The following FDFT1 variants were observed in gnomAD, a reference collection of about 807,000 sequenced individuals.
The protein encoded by FDFT1 is squalene synthase.
In FDFT1, 68 loss-of-function variants were observed where a neutral mutation model predicts 46.8. The observed-to-expected ratio is 1.45, with a 90% CI of 1.19 to 1.78. The LOEUF is 1.78. Among genes scored for constraint, FDFT1 ranks in the 40% most tolerant of loss-of-function variants. The probability of loss-of-function intolerance (pLI) is 0.00; values close to 1 mark genes in which losing one functional copy is unlikely to be tolerated. For missense variants in FDFT1, 928 were observed against 524.4 expected (o/e 1.77, Z -7.52); for synonymous variants, 351 against 185.1 (o/e 1.90, Z -7.28).
chr8:11,803,103 C>G (rs1196515190), intron 1 of FDFT1, 172 bp downstream of exon 1: 2 of 1,435,134 alleles, frequency 1.4e-6, no homozygotes, highest in Non-Finnish European at 1.8e-6. Flanking sequence ...CCCGGGTGGA[C>G]GCGGCCGTCC....
chr8:11,817,189 T>C (rs751226420), intron 3 of FDFT1, among the ~76,000 whole-genome samples: 2 of 152,232 alleles, frequency 1.3e-5, no homozygotes, highest in African/African-American at 4.8e-5. Context: ...TTTGTGTATG[T>C]TGAACAGCCT....
At chr8:11,823,576 G>A (rs903191676) in intron 4 of FDFT1, among the ~76,000 whole-genome samples, 2 of 151,680 alleles carry the variant, frequency 1.3e-5, no homozygotes, top group African/African-American at 4.8e-5. Flanking sequence ...TTCAGTCAGA[G>A]ACGACTTTTT....
rs763411837 is a variant in FDFT1, at chr8:11,809,831, T to C, written c.362T>C (p.Val121Ala). 1 of 1,613,712 alleles carries C rather than the reference T, an allele frequency of 6.2e-7. No homozygotes were observed. The highest frequency in any genetic ancestry group is 8.5e-7 in the Non-Finnish European group (1 of 1,179,754). Residue 121 changes from valine to alanine, a missense_variant, in exon 3 of 8, where the codon GTG (valine) becomes GCG (alanine). Val to Ala is a moderately conservative substitution (Grantham distance 64, BLOSUM62 0). Coordinates refer to ENST00000220584, the MANE Select transcript of FDFT1 (RefSeq NM_004462.5). ...GAGAGCAAGGAGAAGGATCGCCAGG[T>C]GCTGGAGGACTTCCCAACGGTGAGT... ...FMESKEKDRQVLEDFPTISLE... is the reference protein window; with the variant it reads ...FMESKEKDRQALEDFPTISLE...
chr8:11,812,222 C>G (rs576350812), intron 3 of FDFT1, among the ~76,000 whole-genome samples: 2 of 152,218 alleles, frequency 1.3e-5, no homozygotes, highest in African/African-American at 4.8e-5. Context: ...GTACCACGTT[C>G]TGGACATCTG....
intron 1 of FDFT1, among the ~76,000 whole-genome samples, chr8:11,803,999 A>T (rs760736683): frequency 3.3e-5 from 5 of 152,378 alleles, no homozygotes; most frequent in South Asian, 2.1e-4. Context: ...GATATGGCAG[A>T]TGTCACTTTT....
chr8:11,819,173 G>A (rs6984049), intron 3 of FDFT1, among the ~76,000 whole-genome samples: 30,246 of 152,122 alleles, frequency 0.2, 3,720 homozygotes, highest in African/African-American at 0.35. Context: ...CTGAATATTG[G>A]CCCCCACTCT....
chr8:11,832,367 C>T lies in FDFT1; in HGVS notation c.1032+697C>T, dbSNP rs117732778. Among the ~76,000 whole-genome samples, 155 of 151,370 alleles carry T rather than the reference C, an allele frequency of 1.0e-3. 1 individual carries two copies. In the East Asian group the frequency reaches 0.017, roughly 17 times the overall value. On this transcript the variant is annotated intron_variant, in intron 7 of 7. Transcript: ENST00000220584. ...GCCAGGAATTCAAGACCAGCCCGGG[C>T]GACATAGCAAGACCCCATTTCTACA... is the stretch of plus-strand genomic sequence containing the variant.
At chr8:11,819,342 C>G (rs552807105) in intron 3 of FDFT1, among the ~76,000 whole-genome samples, 18 of 152,090 alleles carry the variant, frequency 1.2e-4, no homozygotes, top group Middle Eastern at 3.2e-3. Context: ...TTGCGCTTCT[C>G]GAGGAATATC....
intron 3 of FDFT1, among the ~76,000 whole-genome samples, chr8:11,818,688 G>C (rs1421787702): frequency 4.6e-5 from 7 of 151,426 alleles, no homozygotes; most frequent in Admixed American, 6.6e-5. Flanking sequence ...TGCATTCCCT[G>C]CTTTTTTTTT....
Position 11,832,425 on chromosome 8 carries a change from C to T in FDFT1, c.1032+755C>T, listed in dbSNP as rs889361266. On this transcript the variant is annotated intron_variant, in intron 7 of 7. Transcript: ENST00000220584. ...TAAAAATTGTCATGGTGGTGCACGC[C>T]TGTGGTCCCAGCTACTCAGGAGGCT... 2.0e-5 allele frequency among the ~76,000 whole-genome samples: 3 copies of T among 151,596 alleles called. No homozygotes were observed. The East Asian group carries it at 5.8e-4, about 29-fold the overall frequency.
intron 7 of FDFT1, among the ~76,000 whole-genome samples, chr8:11,834,223 A>T (rs1194080301): frequency 2.0e-5 from 3 of 152,190 alleles, no homozygotes; most frequent in African/African-American, 7.2e-5. Flanking sequence ...GGGGGCTTGG[A>T]GTGCAGCCCC....
upstream of FDFT1, among the ~76,000 whole-genome samples, chr8:11,800,353 C>T (rs986886200): frequency 4.0e-5 from 6 of 150,204 alleles, no homozygotes; most frequent in Admixed American, 2.0e-4. Context: ...AGGGTACACT[C>T]GCCAGCAGTT....
Position 11,803,426 on chromosome 8 carries a change from C to T in FDFT1, c.99+495C>T, listed in dbSNP as rs537154707. On this transcript the variant is annotated intron_variant, in intron 1 of 7. Coordinates refer to ENST00000220584, the MANE Select transcript of FDFT1 (RefSeq NM_004462.5). Reference sequence around the variant, plus strand: ...TTGCTGCCTTCCATCGCTTCATCCTCGGTGCTTCCTGAGTTTTAAAATCGC... The same window carrying T: ...TTGCTGCCTTCCATCGCTTCATCCTTGGTGCTTCCTGAGTTTTAAAATCGC... 6.3e-5 allele frequency: 81 copies of T among 1,287,794 alleles called. No individual in the cohort carries two copies. The East Asian group carries it at 3.2e-3, about 50-fold the overall frequency. 79.8% of individuals were successfully genotyped at this position (1,287,794 alleles called of 1,614,324 possible). A position where few individuals can be genotyped will look rare whatever the true frequency, so the allele number is the denominator to read the frequency against.
intron 3 of FDFT1, among the ~76,000 whole-genome samples, chr8:11,814,200 C>A (rs887202094): frequency 3.3e-5 from 5 of 152,038 alleles, no homozygotes; most frequent in African/African-American, 1.2e-4. Context: ...TGGTTTGTTT[C>A]AGCCACAAGA....
In FDFT1 at chr8:11,835,117, C is replaced by T. The variant is rs547723222; in HGVS notation, c.1033-3271C>T. On this transcript the variant is annotated intron_variant, in intron 7 of 7. Coordinates refer to ENST00000220584, the MANE Select transcript of FDFT1 (RefSeq NM_004462.5). ...CCAGCCTGGGCAACAGGGTGAAGGC[C>T]CTTTCTCAAACCCCTCAAGTATTTG... 2.6e-5 allele frequency among the ~76,000 whole-genome samples: 4 copies of T among 152,286 alleles called. No individual in the cohort carries two copies. In the South Asian group the frequency reaches 6.2e-4, roughly 24 times the overall value.
chr8:11,805,487 A>C (rs1250475419), intron 1 of FDFT1, among the ~76,000 whole-genome samples: 3 of 152,200 alleles, frequency 2.0e-5, no homozygotes, highest in African/African-American at 7.2e-5. Context: ...ATTTAGACTA[A>C]TATCTTAAGT....
chr8:11,802,703 C>T (rs559163370), upstream of FDFT1: 1 of 702,530 alleles, frequency 1.4e-6, no homozygotes, highest in South Asian at 1.8e-5. Context: ...GGCGGGGCGT[C>T]GCCGTACTAG....
intron 7 of FDFT1, among the ~76,000 whole-genome samples, 166 bp from the exon 8 acceptor site, chr8:11,838,222 C>G (rs55774923): frequency 0.022 from 3,309 of 152,254 alleles, 120 homozygotes; most frequent in African/African-American, 0.074. Context: ...ACATCCCCAC[C>G]TTATCATTGG....
At chr8:11,832,576 A>AAAAAAAAAAAAAAAAAAAAAAAAT (rs139242873) in intron 7 of FDFT1, among the ~76,000 whole-genome samples, 1 of 134,846 alleles carries the variant, frequency 7.4e-6, no homozygotes, top group Non-Finnish European at 1.6e-5. Context: ...AAAAAAAAAA[A>AAAAAAAAAAAAAAAAAAAAAAAAT]GTCTTAGAGA....
Sources: allele counts gnomAD v4.1 joint callset (sites outside exome capture counted in the v4.1 genomes callset), GRCh38; gene constraint gnomAD v4.1.1; transcripts MANE v1.5; gene names NCBI Gene and HGNC (gene_info 2026-07-23, HGNC 2026-07-21).